The following PMS2 variants were observed in gnomAD, a reference collection of about 807,000 sequenced individuals.
PMS2 encodes PMS1 homolog 2, mismatch repair system component.
A neutral mutation model predicts 90.0 loss-of-function variants in PMS2; 69 were observed. That is an observed-to-expected ratio of 0.77 (90% CI 0.63 to 0.94). The LOEUF (loss-of-function observed/expected upper bound fraction) is 0.94. Among genes scored for constraint, PMS2 ranks in the 40% least tolerant of loss-of-function variants. The pLI, the probability that PMS2 is intolerant of heterozygous loss-of-function variation, is 0.00. For missense variants in PMS2, 966 were observed against 1,040.2 expected (o/e 0.93, Z 0.98); for synonymous variants, 332 against 375.1 (o/e 0.89, Z 1.33).
intron 13 of PMS2, 88 bp downstream of exon 13, chr7:5,978,508 C>A: frequency 1.6e-6 from 2 of 1,239,308 alleles, no homozygotes; most frequent in Non-Finnish European, 2.3e-6. Flanking sequence ...TGACCTCAGG[C>A]GATCTGCCCG....
chr7:5,998,239 G>A (rs1239898285), intron 6 of PMS2, among the ~76,000 whole-genome samples: 4 of 151,202 alleles, frequency 2.6e-5, no homozygotes, highest in East Asian at 2.0e-4. Flanking sequence ...CTGCCACCAC[G>A]AACAGATAAT....
chr7:6,004,907 T>C (rs1230996105), intron 2 of PMS2, among the ~76,000 whole-genome samples: 3 of 152,082 alleles, frequency 2.0e-5, no homozygotes, highest in Admixed American at 6.6e-5. Flanking sequence ...TATTTTATTA[T>C]TCTTTTCTTT....
rs1562664935 is a variant in PMS2 at position 5,995,646 on chromosome 7, A to T, written c.804-13T>A. 2 of 1,559,896 alleles carry T rather than the reference A, an allele frequency of 1.3e-6. No homozygotes were observed. The highest frequency in any genetic ancestry group is 1.8e-6 in the Non-Finnish European group (2 of 1,130,366). On this transcript the variant is annotated splice_polypyrimidine_tract_variant and intron_variant, in intron 7 of 14. Coordinates refer to ENST00000265849, the MANE Select transcript of PMS2 (RefSeq NM_000535.7). ...GAAACCTGAGATGCTATTCAACATT[A>T]ATATGGTAAGGGCAGGATTCCAGAG...
chr7:6,007,235 C>A (rs1785887667), intron 1 of PMS2, among the ~76,000 whole-genome samples: 1 of 152,066 alleles, frequency 6.6e-6, no homozygotes, highest in African/African-American at 2.4e-5. Context: ...CCTATCTCAG[C>A]CTCCCAAGTA....
chr7:6,006,495 T>C (rs1785784941), intron 1 of PMS2, among the ~76,000 whole-genome samples: 1 of 151,978 alleles, frequency 6.6e-6, no homozygotes. Flanking sequence ...TTACTAAAAA[T>C]ACAAAAAATT....
chr7:6,002,747 G>T (rs1245179534), intron 4 of PMS2, 111 bp from the exon 5 acceptor site: 3 of 854,408 alleles, frequency 3.5e-6, no homozygotes, highest in Admixed American at 3.4e-5. Flanking sequence ...AAAAGCTGAC[G>T]ATCCCTCTGA....
intron 10 of PMS2, 120 bp from the exon 11 acceptor site, chr7:5,987,740 A>C (rs1783207911): frequency 9.7e-7 from 1 of 1,035,510 alleles, no homozygotes; most frequent in South Asian, 1.3e-5. Context: ...ACAGATGAAC[A>C]CAGTTCAATG....
rs2128703272 is a variant in PMS2 at position 5,982,888 on chromosome 7, C to T, written c.2110G>A (p.Asp704Asn). The T allele has an allele frequency of 6.2e-7, 1 of 1,603,998 alleles. No homozygotes were observed. The highest frequency in any genetic ancestry group is 8.5e-7 in the Non-Finnish European group (1 of 1,174,854). The change falls in exon 12 of 15, where the codon GAC becomes AAC. Residue 704 changes from aspartate to asparagine, a missense_variant. By Grantham distance (23) the Asp-to-Asn change is conservative (BLOSUM62 1). Transcript: ENST00000265849. The stretch of plus-strand genomic sequence containing the variant: ...AGCATCTCGAAGTTATACTTCTCGT[C>T]CGTGGCATGCTGGTCCACTATGAAG... The part of the protein sequence containing the change: ...DIFIVDQHAT[D>N]EKYNFEMLQQ...
At chr7:6,004,260 T>C (rs1461978735) in intron 2 of PMS2, 1 of 477,034 alleles carries the variant, frequency 2.1e-6, no homozygotes, top group Non-Finnish European at 3.8e-6. Flanking sequence ...TTTAGCTTTT[T>C]CTTTCTTTCC....
chr7:5,998,599 TAGG>T (rs1318187870), intron 6 of PMS2, among the ~76,000 whole-genome samples: 5 of 149,528 alleles, frequency 3.3e-5, no homozygotes, highest in African/African-American at 1.2e-4. Context: ...GAGGCTAAGG[TAGG>T]AGAATTGCTT....
At position 5,999,130 on chromosome 7, in the gene PMS2, C is replaced by T. The variant is rs1554302319; in HGVS notation, c.683G>A (p.Gly228Asp). Reference protein sequence around the residue: ...GGSPSIKENIGSVFGQKQLQS... With the variant: ...GGSPSIKENIDSVFGQKQLQS... ...TACCTGCTTCTGCCCAAACACAGAGCCGATATTTTCCTTTATGCTGGGGCT... is the reference window on the plus strand; with the variant it reads ...TACCTGCTTCTGCCCAAACACAGAGTCGATATTTTCCTTTATGCTGGGGCT... Residue 228 changes from glycine (G) to aspartate (D), a missense_variant, in exon 6 of 15, where the codon GGC becomes GAC. Transcript: ENST00000265849. The T allele has an allele frequency of 6.2e-7, 1 of 1,614,086 alleles. No homozygotes were observed. The highest frequency in any genetic ancestry group is 8.5e-7 in the Non-Finnish European group (1 of 1,180,032).
chr7:6,001,485 C>G (rs1785084892), intron 5 of PMS2, among the ~76,000 whole-genome samples: 1 of 151,978 alleles, frequency 6.6e-6, no homozygotes, highest in Non-Finnish European at 1.5e-5. Flanking sequence ...ATTCTCCTGC[C>G]TCAGCCTCCC....
chr7:5,988,754 C>G (rs375280281), intron 10 of PMS2, among the ~76,000 whole-genome samples: 1 of 152,174 alleles, frequency 6.6e-6, no homozygotes, highest in African/African-American at 2.4e-5. Context: ...GTGAATCTCA[C>G]AAACAAAATA....
In PMS2 at chr7:6,001,380, T is replaced by TC. The variant is rs1474987346; in HGVS notation, c.537+1072_537+1073insG. The stretch of plus-strand genomic sequence containing the variant: ...AAAACCAAGAGAAATATTCTTTTTT[T>TC]TTTTTTTTTGAGATGGGGTCTGGCT... On this transcript the variant is annotated intron_variant, in intron 5 of 14. Transcript: ENST00000265849. 2.6e-5 allele frequency among the ~76,000 whole-genome samples: 4 copies of TC among 151,204 alleles called. No individual in the cohort carries two copies. The East Asian group carries it at 7.8e-4, about 29-fold the overall frequency.
chr7:5,984,852 A>G lies in PMS2; in HGVS notation c.2007-1861T>C, dbSNP rs553643396. Among the ~76,000 whole-genome samples the G allele has an allele frequency of 3.0e-3, 459 of 151,844 alleles. 6 individuals carry two copies. The highest frequency in any genetic ancestry group is 0.011 in the African/African-American group (443 of 41,228). On this transcript the variant is annotated intron_variant, in intron 11 of 14. Coordinates refer to ENST00000265849, the MANE Select transcript of PMS2 (RefSeq NM_000535.7). ...AAGTGCTCCAGGAAGACCCGGTCCC[A>G]TGCCACCATGCTCGTCACCATCACA...
At position 5,989,837 on chromosome 7, in the gene PMS2, C is replaced by T. The variant is rs1554298683; in HGVS notation, c.1107G>A (p.Lys369=). The change falls in exon 10 of 15, where the codon AAG becomes AAA. Residue 369 remains lysine (K), a synonymous_variant. Transcript: ENST00000265849. Reference sequence around the variant, plus strand: ...GCAGTGGCTGCTGACTGACATTTAGCTTGTTGACATCACTATCAAACATTC... The same window carrying T: ...GCAGTGGCTGCTGACTGACATTTAGTTTGTTGACATCACTATCAAACATTC... ...LIGMFDSDVN[K]LNVSQQPLLD... 2.5e-6 allele frequency: 4 copies of T among 1,613,182 alleles called. No homozygotes were observed. Among genetic ancestry groups the T allele is most frequent in the Middle Eastern group, 1.7e-4 (1 of 6,058 alleles).
chr7:5,994,663 C>G (rs1246996644), intron 8 of PMS2, among the ~76,000 whole-genome samples: 2 of 151,698 alleles, frequency 1.3e-5, no homozygotes, highest in Non-Finnish European at 2.9e-5. Flanking sequence ...GTAGTCCCAG[C>G]TACTCGGGAG....
At chr7:6,003,174 G>A (rs1255600891) in intron 4 of PMS2, 1 of 158,372 alleles carries the variant, frequency 6.3e-6, no homozygotes, top group African/African-American at 2.4e-5. Flanking sequence ...CATGCCTATA[G>A]TACCAGCTCC....
At position 5,987,742 on chromosome 7, in the gene PMS2, A is replaced by T. The variant is rs542477234; in HGVS notation, c.1145-122T>A. On this transcript the variant is annotated intron_variant, in intron 10 of 14. Coordinates refer to ENST00000265849, the MANE Select transcript of PMS2 (RefSeq NM_000535.7). ...ACATGCTAATTACACAGATGAACAC[A>T]GTTCAATGTTCAAAATAAAACTATA... 6.7e-6 allele frequency: 7 copies of T among 1,043,406 alleles called. No individual in the cohort carries two copies. The East Asian group carries it at 1.6e-4, about 24-fold the overall frequency. 64.6% of individuals were successfully genotyped at this position (1,043,406 alleles called of 1,614,324 possible).
Sources: gnomAD v4.1 joint callset for allele counts (sites outside exome capture counted in the v4.1 genomes callset) on GRCh38, gnomAD v4.1.1 for gene constraint, MANE v1.5 for transcripts, NCBI Gene and HGNC (gene_info 2026-07-23, HGNC 2026-07-21) for gene names.